The following SLF1 variants were observed in gnomAD, a reference collection of about 807,000 sequenced individuals.
SLF1 encodes SMC5-SMC6 complex localization factor protein 1.
A neutral mutation model predicts 123.0 loss-of-function variants in SLF1; 105 were observed. That is an observed-to-expected ratio of 0.85 (90% CI 0.73 to 1.00). SLF1 has a LOEUF of 1.00. Among genes scored for constraint, SLF1 ranks in the 50% least tolerant of loss-of-function variants. The pLI, the probability that SLF1 is intolerant of heterozygous loss-of-function variation, is 0.00. For synonymous variants in SLF1, 434 were observed against 406.6 expected (o/e 1.07, Z -0.81); for missense variants, 1,239 against 1,223.0 (o/e 1.01, Z -0.20).
intron 15 of SLF1, among the ~76,000 whole-genome samples, chr5:94,684,650 A>G (rs1293249046): frequency 6.7e-6 from 1 of 149,044 alleles, no homozygotes; most frequent in African/African-American, 2.5e-5. Context: ...GTGAGCCGAG[A>G]TCACGCCACT....
At chr5:94,684,756 A>G (rs1752224832) in intron 15 of SLF1, among the ~76,000 whole-genome samples, 1 of 150,954 alleles carries the variant, frequency 6.6e-6, no homozygotes, top group East Asian at 1.9e-4. Context: ...GGAAGGGATT[A>G]TCTAAATTCA....
chr5:94,662,274 A>T, intron 9 of SLF1, 24 bp from the exon 10 acceptor site: 3 of 1,529,940 alleles, frequency 2.0e-6, no homozygotes, highest in Non-Finnish European at 2.6e-6. Flanking sequence ...ATGTTGTTTT[A>T]ATTATATGGT....
At chr5:94,658,428 T>TTTGTTGTTGTTG (rs35496935) in intron 9 of SLF1, among the ~76,000 whole-genome samples, 7 of 150,496 alleles carry the variant, frequency 4.7e-5, no homozygotes, top group African/African-American at 7.3e-5. Context: ...TTGAGTTGGG[T>TTTGTTGTTGTTG]TTGTTGTTGT....
chr5:94,692,320 G>T, intron 20 of SLF1, 64 bp downstream of exon 20: 1 of 1,435,160 alleles, frequency 7.0e-7, no homozygotes, highest in Non-Finnish European at 9.5e-7. Context: ...ATCCTGCAGA[G>T]GTAGATAGCA....
At chr5:94,622,517 A>G (rs1051980722) in intron 1 of SLF1, among the ~76,000 whole-genome samples, 2 of 152,190 alleles carry the variant, frequency 1.3e-5, no homozygotes, top group Non-Finnish European at 2.9e-5. Context: ...TTTGTTATAT[A>G]TATTTTTTAC....
In SLF1 at chr5:94,688,719, T is replaced by G. The variant is rs1255525463; in HGVS notation, c.2285+50T>G. On this transcript the variant is annotated intron_variant, in intron 17 of 20. Transcript: ENST00000265140. ...GTGCTTTGTTTTGGAGTACAGCTCT[T>G]TCTCTGATGCATTTCTTGAACTTAA... 3 of 1,581,864 alleles carry G rather than the reference T, an allele frequency of 1.9e-6. No homozygotes were observed. The African/African-American group carries it at 4.1e-5, about 21-fold the overall frequency.
chr5:94,627,689 T>TAA (rs1744672362), intron 1 of SLF1, among the ~76,000 whole-genome samples: 1 of 148,210 alleles, frequency 6.7e-6, no homozygotes, highest in Non-Finnish European at 1.5e-5. Context: ...TACTAAATGC[T>TAA]GTGAGACCAT....
intron 15 of SLF1, among the ~76,000 whole-genome samples, chr5:94,684,258 A>G (rs888479309): frequency 1.3e-5 from 2 of 152,222 alleles, no homozygotes; most frequent in South Asian, 2.1e-4. Flanking sequence ...TTTTTAATGT[A>G]TATAATTAGA....
rs57238477 is a variant in SLF1 at position 94,693,618 on chromosome 5, G to A, written c.2696-1213G>A. On this transcript the variant is annotated intron_variant, in intron 20 of 20. Coordinates refer to ENST00000265140, the MANE Select transcript of SLF1 (RefSeq NM_032290.4). Reference sequence around the variant, plus strand: ...ATTCTGGGTTTGGACCTGTCAAGTGGTTTGACACTTATATTGAAGTAACTG... The same window carrying A: ...ATTCTGGGTTTGGACCTGTCAAGTGATTTGACACTTATATTGAAGTAACTG... Among the ~76,000 whole-genome samples the A allele has an allele frequency of 4.8e-3, 726 of 151,950 alleles. 10 individuals carry two copies. Among genetic ancestry groups the A allele is most frequent in the African/African-American group, 0.017 (701 of 41,504 alleles).
intron 1 of SLF1, among the ~76,000 whole-genome samples, chr5:94,623,313 GTTGTATTTTA>G (rs1300853865): frequency 6.6e-5 from 10 of 151,892 alleles, no homozygotes; most frequent in African/African-American, 2.2e-4. Flanking sequence ...TGTCTCCTTA[GTTGTATTTTA>G]TTGTTCAAGG....
intron 4 of SLF1, among the ~76,000 whole-genome samples, chr5:94,633,939 T>C (rs1745479001): frequency 6.6e-6 from 1 of 152,218 alleles, no homozygotes; most frequent in African/African-American, 2.4e-5. Context: ...TCATTGATTT[T>C]AGACCTTTCT....
chr5:94,676,055 A>C (rs995798549), intron 14 of SLF1, among the ~76,000 whole-genome samples: 1 of 151,974 alleles, frequency 6.6e-6, no homozygotes, highest in African/African-American at 2.4e-5. Context: ...TTGATTTACT[A>C]TACCCTTGAG....
intron 4 of SLF1, 47 bp from the exon 5 acceptor site, chr5:94,643,226 A>G: frequency 7.3e-7 from 1 of 1,373,520 alleles, no homozygotes; most frequent in Non-Finnish European, 9.8e-7. Flanking sequence ...TTGACTAAAG[A>G]AACTCAAATT....
intron 9 of SLF1, among the ~76,000 whole-genome samples, chr5:94,657,042 T>C (rs1290863721): frequency 6.7e-6 from 1 of 149,522 alleles, no homozygotes; most frequent in Non-Finnish European, 1.5e-5. Flanking sequence ...TAATTTATAA[T>C]TAATCTAAAT....
intron 14 of SLF1, among the ~76,000 whole-genome samples, chr5:94,674,579 A>G (rs1046751175): frequency 7.9e-5 from 12 of 152,210 alleles, no homozygotes; most frequent in Non-Finnish European, 1.5e-4. Context: ...ATGTTCACAG[A>G]CATCATTTTC....
In SLF1 at chr5:94,689,507, A is replaced by T. The variant is rs766316917; in HGVS notation, c.2320A>T (p.Lys774Ter). The change falls in exon 18 of 21, where the codon AAA becomes TAA. Residue 774 changes from lysine (K) to a stop codon, truncating the protein, a stop_gained. Transcript: ENST00000265140. LOFTEE classifies it high-confidence loss of function. Reference protein sequence around the residue: ...LNLAKCSSSLKKLKKKSEGEL... With the variant: ...LNLAKCSSSL ...CCTTGCTAAATGTTCCTCATCATTA[A>T]AAAAATTGAAAAAGAAGTCAGAAGG... The T allele has an allele frequency of 6.2e-7, 1 of 1,612,716 alleles. No individual in the cohort carries two copies. The highest frequency in any genetic ancestry group is 8.5e-7 in the Non-Finnish European group (1 of 1,179,150).
intron 9 of SLF1, among the ~76,000 whole-genome samples, chr5:94,656,620 G>A (rs138742855): frequency 4.0e-5 from 6 of 151,818 alleles, no homozygotes; most frequent in Non-Finnish European, 8.8e-5. Context: ...TTTGGTCCTC[G>A]GCTTTTTATT....
At chr5:94,624,728 C>T (rs1792079131) in intron 1 of SLF1, among the ~76,000 whole-genome samples, 1 of 151,950 alleles carries the variant, frequency 6.6e-6, no homozygotes, top group Non-Finnish European at 1.5e-5. Context: ...GATTATTTAA[C>T]ATTAGTTTTT....
chr5:94,665,367 CCTGT>C (rs1051019467), intron 11 of SLF1, among the ~76,000 whole-genome samples: 1 of 152,108 alleles, frequency 6.6e-6, no homozygotes, highest in African/African-American at 2.4e-5. Flanking sequence ...ATAGAGTGTG[CCTGT>C]CTCTCAGTTG....
Sources: allele counts gnomAD v4.1 joint callset (sites outside exome capture counted in the v4.1 genomes callset), GRCh38; gene constraint gnomAD v4.1.1; transcripts MANE v1.5; gene names NCBI Gene and HGNC (gene_info 2026-07-23, HGNC 2026-07-21).